The following CEP63 variants were observed in gnomAD, a reference collection of about 807,000 sequenced individuals.
CEP63 encodes centrosomal protein 63.
Under a neutral mutation model 89.1 loss-of-function variants are expected in CEP63, and 84 were observed. The ratio of observed to expected loss-of-function variants is 0.94; its 90% CI spans 0.79 to 1.13. The LOEUF is 1.13. Ranked by LOEUF, CEP63 falls within the 50% of genes most tolerant of loss-of-function variation. CEP63 has a pLI of 0.00. For synonymous variants in CEP63, 267 were observed against 272.5 expected (o/e 0.98, Z 0.20); for missense variants, 838 against 813.3 (o/e 1.03, Z -0.37).
intron 11 of CEP63, among the ~76,000 whole-genome samples, chr3:134,571,122 T>A (rs912612169): frequency 1.4e-4 from 22 of 152,326 alleles, no homozygotes; most frequent in African/African-American, 4.6e-4. Flanking sequence ...TCACATCAAG[T>A]GTTTTTTAAG....
the CEP63 span, among the ~76,000 whole-genome samples, chr3:134,645,593 G>T: frequency 6.6e-6 from 1 of 152,236 alleles, no homozygotes. Context: ...ATTTCTGCAT[G>T]CATGCAAACG....
intron 10 of CEP63, among the ~76,000 whole-genome samples, chr3:134,581,550 C>T (rs1426950555): frequency 2.6e-5 from 4 of 151,836 alleles, no homozygotes; most frequent in Non-Finnish European, 4.4e-5. Context: ...CATTGCACTC[C>T]AGCCTGGGCA....
chr3:134,551,788 T>C, intron 11 of CEP63, 138 bp from the exon 12 acceptor site: 1 of 203,820 alleles, frequency 4.9e-6, no homozygotes, highest in Admixed American at 6.0e-5. Context: ...TATGTATATA[T>C]ATATATAAAT....
At chr3:134,683,323 G>C in the CEP63 span, among the ~76,000 whole-genome samples, 1 of 152,184 alleles carries the variant, frequency 6.6e-6, no homozygotes, top group Admixed American at 6.5e-5. Flanking sequence ...GTTGCTAAGA[G>C]ACTATTCATA....
the CEP63 span, among the ~76,000 whole-genome samples, chr3:134,595,387 T>G: frequency 6.6e-6 from 1 of 152,364 alleles, no homozygotes; most frequent in East Asian, 1.9e-4. Context: ...ATCTTTTTCC[T>G]TTATAAATTA....
At chr3:134,657,844 C>T in the CEP63 span, among the ~76,000 whole-genome samples, 3 of 152,166 alleles carry the variant, frequency 2.0e-5, no homozygotes, top group African/African-American at 7.2e-5. Context: ...ACTATTGGTA[C>T]ATCAACCTTT....
chr3:134,716,991 T>C, the CEP63 span, among the ~76,000 whole-genome samples: 1 of 152,170 alleles, frequency 6.6e-6, no homozygotes. Flanking sequence ...GGCTGCCAAA[T>C]CTGTGCCAGG....
At chr3:134,622,243 C>T in the CEP63 span, among the ~76,000 whole-genome samples, 1 of 152,192 alleles carries the variant, frequency 6.6e-6, no homozygotes, top group Non-Finnish European at 1.5e-5. Flanking sequence ...GGCAGAGACT[C>T]AAACAGACAT....
chr3:134,568,445 G>A (rs1174294190), downstream of CEP63, among the ~76,000 whole-genome samples: 2 of 152,204 alleles, frequency 1.3e-5, no homozygotes, highest in African/African-American at 4.8e-5. Context: ...AACCCTGCAG[G>A]TTCCTGTGTA....
At chr3:134,768,767 G>A in the CEP63 span, among the ~76,000 whole-genome samples, 5 of 152,296 alleles carry the variant, frequency 3.3e-5, no homozygotes, top group South Asian at 4.1e-4. Context: ...CACTGCTGTC[G>A]AGGGCCTTTG....
chr3:134,495,139 T>C lies in CEP63; in HGVS notation c.-25-157T>C, dbSNP rs17694011. ...CGAAATAGTTTGTTCCTAGTATTCC[T>C]GAAGTGATGTTCTTTGACTGCTTCT... On this transcript the variant is annotated intron_variant, in intron 1 of 14. Transcript: ENST00000675561. Among the ~76,000 whole-genome samples, 100,180 of 152,026 alleles carry C rather than the reference T, an allele frequency of 0.66. 33,410 individuals are homozygous for C. Among genetic ancestry groups the C allele is most frequent in the East Asian group, 0.81 (4,191 of 5,170 alleles).
the CEP63 span, chr3:134,608,412 G>A: frequency 3.0e-5 from 45 of 1,484,248 alleles, no homozygotes; most frequent in Non-Finnish European, 3.8e-5. Context: ...GTTTATGCTA[G>A]TGTGAGTGAG....
chr3:134,574,388 C>T (rs559059683), intron 11 of CEP63, among the ~76,000 whole-genome samples: 1 of 152,122 alleles, frequency 6.6e-6, no homozygotes, highest in African/African-American at 2.4e-5. Flanking sequence ...GGATCCTTGA[C>T]CTAAACTTAA....
At chr3:134,695,909 TC>T in the CEP63 span, among the ~76,000 whole-genome samples, 1 of 152,292 alleles carries the variant, frequency 6.6e-6, no homozygotes, top group African/African-American at 2.4e-5. Context: ...CAGTGGTATC[TC>T]CATTTTACAC....
At chr3:134,522,431 G>A (rs926521937) in intron 3 of CEP63, among the ~76,000 whole-genome samples, 30 of 152,116 alleles carry the variant, frequency 2.0e-4, no homozygotes, top group Non-Finnish European at 4.3e-4. Context: ...TGATTGTGAA[G>A]CGTTGTAGTC....
At chr3:134,725,088 C>A in the CEP63 span, among the ~76,000 whole-genome samples, 1 of 151,318 alleles carries the variant, frequency 6.6e-6, no homozygotes. Flanking sequence ...CAACCAAAAC[C>A]TGTAAGAAAA....
intron 6 of CEP63, among the ~76,000 whole-genome samples, chr3:134,541,811 C>G (rs1022865600): frequency 6.6e-6 from 1 of 151,998 alleles, no homozygotes; most frequent in African/African-American, 2.4e-5. Flanking sequence ...CTGCGCCTGG[C>G]CACCAGCATT....
At chr3:134,528,779 A>G (rs974346326) in intron 3 of CEP63, among the ~76,000 whole-genome samples, 1 of 152,028 alleles carries the variant, frequency 6.6e-6, no homozygotes, top group Non-Finnish European at 1.5e-5. Context: ...ATTTCTGCTG[A>G]GCATTGCAGT....
chr3:134,528,181 T>C (rs982673153), intron 3 of CEP63, among the ~76,000 whole-genome samples: 1 of 152,166 alleles, frequency 6.6e-6, no homozygotes, highest in South Asian at 2.1e-4. Context: ...GCCTCATGTA[T>C]GGTTCCCAGC....
Sources: allele counts gnomAD v4.1 joint callset (sites outside exome capture counted in the v4.1 genomes callset), GRCh38; gene constraint gnomAD v4.1.1; transcripts MANE v1.5; gene names NCBI Gene and HGNC (gene_info 2026-07-23, HGNC 2026-07-21).